AKAP19: variants seen among roughly 807,000 people sequenced by gnomAD.
AKAP19 encodes the protein A-kinase anchoring protein 19.
At chr2:190,023,020 A>C in the AKAP19 span, among the ~76,000 whole-genome samples, 1 of 152,192 alleles carries the variant, frequency 6.6e-6, no homozygotes. Flanking sequence ...AAAGGCTCAG[A>C]AAGGAGAAAT....
the AKAP19 span, among the ~76,000 whole-genome samples, chr2:190,113,307 G>C: frequency 3.3e-5 from 5 of 151,984 alleles, no homozygotes; most frequent in Non-Finnish European, 7.4e-5. Flanking sequence ...TAATACAATG[G>C]GCAAGAGTTT....
the AKAP19 span, among the ~76,000 whole-genome samples, chr2:189,986,412 G>GA: frequency 2.1e-5 from 3 of 142,538 alleles, no homozygotes; most frequent in Non-Finnish European, 4.7e-5. Context: ...ACACAAAAAA[G>GA]AAAAACAAAA....
At chr2:190,155,237 G>A in the AKAP19 span, among the ~76,000 whole-genome samples, 1 of 152,178 alleles carries the variant, frequency 6.6e-6, no homozygotes, top group Non-Finnish European at 1.5e-5. Flanking sequence ...ACTCTAAGCT[G>A]ATAGAACCAC....
the AKAP19 span, among the ~76,000 whole-genome samples, chr2:189,971,764 C>T: frequency 1.6e-4 from 25 of 152,224 alleles, no homozygotes; most frequent in African/African-American, 5.8e-4. Flanking sequence ...TGACTTTTGG[C>T]TGCATAAATG....
At chr2:190,040,812 G>C in the AKAP19 span, among the ~76,000 whole-genome samples, 1 of 152,064 alleles carries the variant, frequency 6.6e-6, no homozygotes, top group Non-Finnish European at 1.5e-5. Flanking sequence ...TGTCAGCTTT[G>C]TTGAAGATCA....
At chr2:190,054,974 C>T in the AKAP19 span, among the ~76,000 whole-genome samples, 1 of 152,206 alleles carries the variant, frequency 6.6e-6, no homozygotes, top group South Asian at 2.1e-4. Flanking sequence ...AATCCCATTA[C>T]TGGGTGTGTA....
At chr2:190,034,534 CAAAAA>C in the AKAP19 span, among the ~76,000 whole-genome samples, 27 of 68,248 alleles carry the variant, frequency 4.0e-4, no homozygotes, top group South Asian at 4.0e-3. Flanking sequence ...GGCTACAGTG[CAAAAA>C]AAAAAAAAAA....
At chr2:190,199,373 A>T in the AKAP19 span, among the ~76,000 whole-genome samples, 1 of 152,202 alleles carries the variant, frequency 6.6e-6, no homozygotes, top group Non-Finnish European at 1.5e-5. Flanking sequence ...ATTTGGCCCA[A>T]TGGTTTGCTA....
At chr2:190,179,288 A>T in the AKAP19 span, among the ~76,000 whole-genome samples, 5 of 151,914 alleles carry the variant, frequency 3.3e-5, no homozygotes, top group Non-Finnish European at 7.4e-5. This position sits in a 1 kb window ranked among gnomAD's most constrained non-coding sequence, Gnocchi z 6.0. Flanking sequence ...GGCGCCTGTA[A>T]TCTCAGCCAC....
At chr2:189,965,529 C>T in the AKAP19 span, among the ~76,000 whole-genome samples, 1 of 151,436 alleles carries the variant, frequency 6.6e-6, no homozygotes, top group African/African-American at 2.4e-5. Flanking sequence ...TACAAATGGC[C>T]AACAAACATA....
At chr2:190,135,236 TAGTA>T in the AKAP19 span, among the ~76,000 whole-genome samples, 2 of 152,172 alleles carry the variant, frequency 1.3e-5, no homozygotes, top group Admixed American at 6.5e-5. Context: ...GCACTGGATG[TAGTA>T]AGTAAGAACT....
chr2:190,006,061 A>C, the AKAP19 span, among the ~76,000 whole-genome samples: 4 of 152,368 alleles, frequency 2.6e-5, no homozygotes, highest in East Asian at 7.7e-4. Context: ...TATGATACTT[A>C]AAGGTGGCCA....
chr2:190,182,103 C>T, the AKAP19 span, among the ~76,000 whole-genome samples: 1 of 152,188 alleles, frequency 6.6e-6, no homozygotes, highest in African/African-American at 2.4e-5. Context: ...TTTATTATCT[C>T]CTCTGTAGCA....
the AKAP19 span, among the ~76,000 whole-genome samples, chr2:190,118,435 T>C: frequency 6.6e-6 from 1 of 152,206 alleles, no homozygotes; most frequent in Non-Finnish European, 1.5e-5. Flanking sequence ...TTTAGACCAA[T>C]ATCCCTGATG....
the AKAP19 span, among the ~76,000 whole-genome samples, chr2:190,156,500 T>C: frequency 5.3e-5 from 8 of 152,060 alleles, no homozygotes; most frequent in Non-Finnish European, 7.4e-5. Flanking sequence ...AAAAAGGGAA[T>C]GATAAATTAG....
the AKAP19 span, among the ~76,000 whole-genome samples, chr2:189,962,568 A>G: frequency 1.3e-5 from 2 of 152,212 alleles, no homozygotes; most frequent in Non-Finnish European, 2.9e-5. Context: ...ATCAATTGAA[A>G]AACTTTTAGA....
the AKAP19 span, among the ~76,000 whole-genome samples, chr2:190,157,378 A>ACACACACACACACACC: frequency 6.8e-6 from 1 of 146,716 alleles, no homozygotes; most frequent in African/African-American, 2.4e-5. Flanking sequence ...ACACACACAC[A>ACACACACACACACACC]CACACACACA....
chr2:190,105,991 C>A, the AKAP19 span, among the ~76,000 whole-genome samples: 2 of 152,154 alleles, frequency 1.3e-5, no homozygotes, highest in African/African-American at 4.8e-5. Context: ...GAATGAATAA[C>A]AAGGCACTAA....
chr2:189,980,104 C>A, the AKAP19 span, among the ~76,000 whole-genome samples: 1 of 152,134 alleles, frequency 6.6e-6, no homozygotes, highest in Non-Finnish European at 1.5e-5. Context: ...CAAAAAGACA[C>A]CTGCACTTGT....
Sources: gnomAD v4.1 joint callset for allele counts (sites outside exome capture counted in the v4.1 genomes callset) on GRCh38, gnomAD v4.1.1 for gene constraint, Gnocchi (gnomAD v3.1) non-coding constraint, MANE v1.5 for transcripts, NCBI Gene and HGNC (gene_info 2026-07-23, HGNC 2026-07-21) for gene names.